SPEF2: variants seen among roughly 807,000 people sequenced by gnomAD.
SPEF2 encodes the protein sperm flagella and cilia-associated protein 2.
In SPEF2, 187 loss-of-function variants were observed where a neutral mutation model predicts 224.6. The ratio of observed to expected loss-of-function variants is 0.83; its 90% CI spans 0.74 to 0.94. The LOEUF is 0.94. SPEF2 is among the 40% of genes least tolerant of loss of function. The pLI is 0.00. For missense variants in SPEF2, 2,170 were observed against 2,135.6 expected (o/e 1.02, Z -0.32); for synonymous variants, 715 against 707.3 (o/e 1.01, Z -0.17).
chr5:35,740,097 T>A, intron 22 of SPEF2, 32 bp from the exon 23 acceptor site: 1 of 1,614,028 alleles, frequency 6.2e-7, no homozygotes, highest in Non-Finnish European at 8.5e-7. Flanking sequence ...GCATGACATA[T>A]AAAATTTATC....
In SPEF2 at chr5:35,683,113, G is replaced by A. The variant is rs76419108; in HGVS notation, c.1525-7924G>A. 9.0e-3 allele frequency among the ~76,000 whole-genome samples: 1,366 copies of A among 152,238 alleles called. 17 individuals carry two copies. Among genetic ancestry groups the A allele is most frequent in the African/African-American group, 0.032 (1,329 of 41,540 alleles). On this transcript the variant is annotated intron_variant, in intron 10 of 36. Transcript: ENST00000356031. The stretch of plus-strand genomic sequence containing the variant: ...AGGCCACAAAAAACTAAAAAGATAT[G>A]AGAGACTGGAAGTAACCAGAATCAG...
intron 29 of SPEF2, among the ~76,000 whole-genome samples, chr5:35,778,585 G>T (rs1753919577): frequency 6.6e-6 from 1 of 152,146 alleles, no homozygotes; most frequent in South Asian, 2.1e-4. Flanking sequence ...TACAACAGAG[G>T]CTATTCTGAC....
intron 9 of SPEF2, 42 bp from the exon 10 acceptor site, chr5:35,670,014 TTTG>T: frequency 7.0e-7 from 1 of 1,438,824 alleles, no homozygotes; most frequent in East Asian, 2.3e-5. Context: ...AAAATCTATA[TTTG>T]ACTAACCATT....
At chr5:35,757,756 T>C (rs1171754307) in intron 24 of SPEF2, among the ~76,000 whole-genome samples, 3 of 152,210 alleles carry the variant, frequency 2.0e-5, no homozygotes, top group Non-Finnish European at 4.4e-5. Flanking sequence ...GGTTTAGTTT[T>C]TCTTGTCATT....
intron 1 of SPEF2, among the ~76,000 whole-genome samples, chr5:35,624,447 C>A (rs1223608183): frequency 6.6e-6 from 1 of 152,120 alleles, no homozygotes; most frequent in Admixed American, 6.5e-5. Context: ...ATTGTTAGTG[C>A]AAATTAGTTT....
At chr5:35,726,181 G>A (rs7447153) in intron 20 of SPEF2, among the ~76,000 whole-genome samples, 91,944 of 152,122 alleles carry the variant, frequency 0.6, 28,941 homozygotes, top group Middle Eastern at 0.73. Flanking sequence ...AAAGTTGTAT[G>A]GAATCAAAGC....
At chr5:35,803,253 G>A (rs1757671562) in intron 34 of SPEF2, among the ~76,000 whole-genome samples, 1 of 152,196 alleles carries the variant, frequency 6.6e-6, no homozygotes, top group African/African-American at 2.4e-5. Context: ...CAGGAAAAAG[G>A]AAGCCTGTGC....
At chr5:35,768,498 C>T (rs998951813) in intron 26 of SPEF2, among the ~76,000 whole-genome samples, 3 of 152,072 alleles carry the variant, frequency 2.0e-5, no homozygotes, top group African/African-American at 7.2e-5. Flanking sequence ...CTTAACCTCT[C>T]TAATTCTTTA....
chr5:35,629,378 C>T (rs1028064444), intron 2 of SPEF2, among the ~76,000 whole-genome samples: 2 of 151,594 alleles, frequency 1.3e-5, no homozygotes, highest in Non-Finnish European at 2.9e-5. Context: ...AGGATGGTCT[C>T]GATCTCCTGA....
rs560243827 is a variant in SPEF2, at chr5:35,672,586, G to A, written c.1524+2359G>A. Among the ~76,000 whole-genome samples, 35 of 151,454 alleles carry A rather than the reference G, an allele frequency of 2.3e-4. No individual in the cohort carries two copies. In the South Asian group the frequency reaches 2.5e-3, roughly 11 times the overall value. On this transcript the variant is annotated intron_variant, in intron 10 of 36. Coordinates refer to ENST00000356031, the MANE Select transcript of SPEF2 (RefSeq NM_024867.4). ...AACATTTAGGACAATTTCTTGAAGA[G>A]ACCAAAGATCTAAAAATAAAGAATG...
At chr5:35,713,395 T>G (rs941620987) in intron 20 of SPEF2, among the ~76,000 whole-genome samples, 1 of 152,140 alleles carries the variant, frequency 6.6e-6, no homozygotes, top group African/African-American at 2.4e-5. Context: ...GAGACCTGTC[T>G]ACATTTTTTT....
chr5:35,787,764 AT>A (rs1242984864), intron 30 of SPEF2: 2 of 525,478 alleles, frequency 3.8e-6, no homozygotes, highest in Non-Finnish European at 6.6e-6. Context: ...ACTCCATAAA[AT>A]TTTTCAAAAA....
chr5:35,729,935 GAAC>G (rs1229372681), intron 21 of SPEF2, among the ~76,000 whole-genome samples: 1 of 152,158 alleles, frequency 6.6e-6, no homozygotes, highest in African/African-American at 2.4e-5. Flanking sequence ...CAGCCATGTG[GAAC>G]TGTAAGTCCA....
intron 30 of SPEF2, chr5:35,787,829 G>GTC: frequency 1.8e-6 from 1 of 547,578 alleles, no homozygotes; most frequent in Non-Finnish European, 3.2e-6. Flanking sequence ...GTAGAAATTG[G>GTC]GATTACTTAA....
At chr5:35,709,405 C>T in intron 19 of SPEF2, 2 of 1,169,460 alleles carry the variant, frequency 1.7e-6, no homozygotes, top group Middle Eastern at 3.7e-4. Flanking sequence ...CACAGAGTAA[C>T]AGGTAACTTC....
chr5:35,700,506 G>T lies in SPEF2; in HGVS notation c.2152G>T (p.Val718Leu), dbSNP rs923104734. 1 of 1,611,224 alleles carries T rather than the reference G, an allele frequency of 6.2e-7. No homozygotes were observed. Among genetic ancestry groups the T allele is most frequent in the East Asian group, 2.2e-5 (1 of 44,834 alleles). ...CCTGTTTCAATTTAGTGAGATACCTGTGAATCAAGACTGTATCCTAGATGG... is the reference window on the plus strand; with the variant it reads ...CCTGTTTCAATTTAGTGAGATACCTTTGAATCAAGACTGTATCCTAGATGG... ...IIVNAINEIPVNQDCILDGFP... is the reference protein window; with the variant it reads ...IIVNAINEIPLNQDCILDGFP... The change falls in exon 16 of 37, where the codon GTG becomes TTG. Residue 718 changes from valine to leucine, a missense_variant. Val to Leu is a conservative substitution (Grantham distance 32). Coordinates refer to ENST00000356031, the MANE Select transcript of SPEF2 (RefSeq NM_024867.4).
chr5:35,688,459 C>T (rs1337118629), intron 10 of SPEF2, among the ~76,000 whole-genome samples: 1 of 152,146 alleles, frequency 6.6e-6, no homozygotes, highest in Non-Finnish European at 1.5e-5. Context: ...TTGTATTTTT[C>T]AAATCAGAAA....
intron 5 of SPEF2, among the ~76,000 whole-genome samples, chr5:35,648,365 TTTTTTTTTTG>T (rs1434663643): frequency 2.7e-5 from 4 of 149,118 alleles, no homozygotes; most frequent in Non-Finnish European, 6.0e-5. Context: ...TTGATTAAAG[TTTTTTTTTTG>T]TTTTTTTTTG....
intron 23 of SPEF2, among the ~76,000 whole-genome samples, chr5:35,751,058 T>TACACAC (rs1749474510): frequency 3.3e-5 from 1 of 30,674 alleles, no homozygotes; most frequent in Non-Finnish European, 8.0e-5. Context: ...TATATATACG[T>TACACAC]ATATATATGT....
Sources: gnomAD v4.1 joint callset for allele counts (sites outside exome capture counted in the v4.1 genomes callset) on GRCh38, gnomAD v4.1.1 for gene constraint, MANE v1.5 for transcripts, NCBI Gene and HGNC (gene_info 2026-07-23, HGNC 2026-07-21) for gene names.